The following ARHGAP21 variants were observed in gnomAD, a reference collection of about 807,000 sequenced individuals.
ARHGAP21 encodes the protein Rho GTPase activating protein 21, also known as rho GTPase-activating protein 21.
Under a neutral mutation model 164.6 loss-of-function variants are expected in ARHGAP21, and 38 were observed. That is an observed-to-expected ratio of 0.23 (90% confidence interval 0.18 to 0.30). ARHGAP21 has a LOEUF of 0.30. ARHGAP21 is among the 10% of genes least tolerant of loss of function. The probability of loss-of-function intolerance (pLI) is 1.00; values close to 1 mark genes in which losing one functional copy is unlikely to be tolerated. For synonymous variants in ARHGAP21, 766 were observed against 857.9 expected (o/e 0.89, Z 1.87); for missense variants, 1,822 against 2,370.7 (o/e 0.77, Z 4.81).
At chr10:24,687,058 A>T (rs1235268596) in intron 2 of ARHGAP21, among the ~76,000 whole-genome samples, 1 of 152,274 alleles carries the variant, frequency 6.6e-6, no homozygotes, top group South Asian at 2.1e-4. Flanking sequence ...TCTACAAAAA[A>T]TACAAAATTT....
At chr10:24,684,278 C>A (rs982376004) in intron 2 of ARHGAP21, among the ~76,000 whole-genome samples, 2 of 151,690 alleles carry the variant, frequency 1.3e-5, no homozygotes, top group African/African-American at 2.4e-5. Context: ...CAGAATGACA[C>A]CCTGACTGAA....
At chr10:24,657,826 C>A (rs934737806) in intron 4 of ARHGAP21, among the ~76,000 whole-genome samples, 3 of 122,066 alleles carry the variant, frequency 2.5e-5, no homozygotes, top group Admixed American at 8.4e-5. Flanking sequence ...GCAAGATGTG[C>A]TTTGTTAAAC....
Position 24,591,553 on chromosome 10 carries a change from G to C in ARHGAP21, c.4044+89C>G, listed in dbSNP as rs1043113949. 2.5e-5 allele frequency: 38 copies of C among 1,509,420 alleles called. No individual in the cohort carries two copies. The South Asian group carries it at 4.2e-4, about 17-fold the overall frequency. The allele number at this position is 1,509,420 out of a possible 1,614,324, so 93.5% of individuals were successfully genotyped here. A position where few individuals can be genotyped will look rare whatever the true frequency, so the allele number is the denominator to read the frequency against. ...CTTCCGGGGCGCAAAGCGGACAATAGCAAAGCAGGAAGTTGACATTGTTGG... is the reference window on the plus strand; with the variant it reads ...CTTCCGGGGCGCAAAGCGGACAATACCAAAGCAGGAAGTTGACATTGTTGG... On this transcript the variant is annotated intron_variant, in intron 23 of 25. Transcript: ENST00000396432.
chr10:24,681,324 T>C (rs553952298), intron 2 of ARHGAP21, among the ~76,000 whole-genome samples: 1 of 152,350 alleles, frequency 6.6e-6, no homozygotes, highest in South Asian at 2.1e-4. Context: ...TAGATAGACA[T>C]GTTACATCTG....
intron 25 of ARHGAP21, among the ~76,000 whole-genome samples, chr10:24,588,023 C>T (rs2076178099): frequency 6.6e-6 from 1 of 152,150 alleles, no homozygotes; most frequent in Admixed American, 6.5e-5. Flanking sequence ...AAAATCTCAT[C>T]TGCTGGCAAC....
intron 2 of ARHGAP21, among the ~76,000 whole-genome samples, chr10:24,691,826 C>A (rs1361823095): frequency 1.3e-5 from 2 of 152,096 alleles, no homozygotes; most frequent in Admixed American, 1.3e-4. Context: ...CAATGAGAAA[C>A]CTCTAAAACC....
intron 2 of ARHGAP21, among the ~76,000 whole-genome samples, chr10:24,684,066 C>T (rs1344475554): frequency 1.3e-5 from 2 of 152,180 alleles, no homozygotes; most frequent in African/African-American, 2.4e-5. Context: ...GTGGGCGGAT[C>T]GCTTCAGGTC....
chr10:24,598,554 A>AT (rs1392448987), intron 14 of ARHGAP21, among the ~76,000 whole-genome samples: 10 of 151,688 alleles, frequency 6.6e-5, no homozygotes, highest in East Asian at 1.9e-4. Flanking sequence ...AATTTGCATG[A>AT]TTTTTTTTTA....
At chr10:24,721,382 C>T (rs948926071) in intron 2 of ARHGAP21, among the ~76,000 whole-genome samples, 1 of 152,156 alleles carries the variant, frequency 6.6e-6, no homozygotes, top group African/African-American at 2.4e-5. Context: ...CTCGTCAGTA[C>T]CAAAGAAAGA....
At chr10:24,690,508 A>G (rs1842666140) in intron 2 of ARHGAP21, among the ~76,000 whole-genome samples, 1 of 152,118 alleles carries the variant, frequency 6.6e-6, no homozygotes. Context: ...ATAACATGCT[A>G]TTCTAAGTGC....
chr10:24,675,318 A>G (rs908470407), intron 2 of ARHGAP21, among the ~76,000 whole-genome samples: 1 of 152,242 alleles, frequency 6.6e-6, no homozygotes, highest in African/African-American at 2.4e-5. Flanking sequence ...GAAGAAGAGG[A>G]GGAGGAGAAG....
At chr10:24,658,245 A>G (rs561805863) in intron 4 of ARHGAP21, among the ~76,000 whole-genome samples, 1 of 152,286 alleles carries the variant, frequency 6.6e-6, no homozygotes, top group South Asian at 2.1e-4. Context: ...AACTAGTTCA[A>G]CCATTGTGGA....
chr10:24,628,982 ATTTTTTTTTTTTTTT>A (rs1166249007), intron 7 of ARHGAP21: 1 of 11,632 alleles, frequency 8.6e-5, no homozygotes, highest in Non-Finnish European at 1.2e-4. Context: ...ATATATATAT[ATTTTTTTTTTTTTTT>A]TTTTTTTTTT....
Position 24,719,133 on chromosome 10 carries a change from C to CG in ARHGAP21, c.63+2703_63+2704insC, listed in dbSNP as rs1225304486. Among the ~76,000 whole-genome samples the CG allele has an allele frequency of 5.7e-5, 7 of 122,206 alleles. No homozygotes were observed. In the Middle Eastern group the frequency reaches 0.013, roughly 222 times the overall value. 80.2% of individuals were successfully genotyped at this position (122,206 alleles called of 152,430 possible). A position where few individuals can be genotyped will look rare whatever the true frequency, so the allele number is the denominator to read the frequency against. ...CACACACACACACACACACACACCC[C>CG]AAAAATCACTTAAGAGGTTCAGAGT... On this transcript the variant is annotated intron_variant, in intron 2 of 25. Coordinates refer to ENST00000396432, the MANE Select transcript of ARHGAP21 (RefSeq NM_020824.4).
chr10:24,674,249 G>A (rs1485884169), intron 2 of ARHGAP21, among the ~76,000 whole-genome samples: 1 of 151,716 alleles, frequency 6.6e-6, no homozygotes, highest in Non-Finnish European at 1.5e-5. Flanking sequence ...AAATTAGCCA[G>A]GTAGCTGGGC....
intron 2 of ARHGAP21, among the ~76,000 whole-genome samples, chr10:24,703,558 A>C (rs577746222): frequency 8.5e-5 from 13 of 152,268 alleles, no homozygotes; most frequent in African/African-American, 3.1e-4. Flanking sequence ...CTGCACTTTC[A>C]ACTATAACAC....
chr10:24,675,383 G>T (rs1262808761), intron 2 of ARHGAP21, among the ~76,000 whole-genome samples: 1 of 151,520 alleles, frequency 6.6e-6, no homozygotes, highest in East Asian at 1.9e-4. Context: ...CTAAATACTG[G>T]TCTATACTGA....
At chr10:24,596,472 G>A in intron 17 of ARHGAP21, 1 of 541,210 alleles carries the variant, frequency 1.8e-6, no homozygotes, top group South Asian at 2.8e-5. Flanking sequence ...GTTTTAAAAT[G>A]CTAAAAGCAG....
At chr10:24,658,562 G>A (rs570508003) in intron 4 of ARHGAP21, among the ~76,000 whole-genome samples, 1 of 152,232 alleles carries the variant, frequency 6.6e-6, no homozygotes, top group South Asian at 2.1e-4. Context: ...CATCATCTGA[G>A]CAAACTATCG....
Sources: gnomAD v4.1 joint callset for allele counts (sites outside exome capture counted in the v4.1 genomes callset) on GRCh38, gnomAD v4.1.1 for gene constraint, MANE v1.5 for transcripts, NCBI Gene and HGNC (gene_info 2026-07-23, HGNC 2026-07-21) for gene names.